The following MATN4 variants were observed in gnomAD, a reference collection of about 807,000 sequenced individuals.
MATN4 encodes matrilin-4.
In MATN4, 40 loss-of-function variants were observed where a neutral mutation model predicts 54.6. That is an observed-to-expected ratio of 0.73 (90% confidence interval 0.57 to 0.95). The LOEUF is 0.95. Among genes scored for constraint, MATN4 ranks in the 40% least tolerant of loss-of-function variants. MATN4 has a pLI of 0.00. For missense variants in MATN4, 810 were observed against 819.1 expected (o/e 0.99, Z 0.13); for synonymous variants, 351 against 345.3 (o/e 1.02, Z -0.18).
intron 8 of MATN4, among the ~76,000 whole-genome samples, chr20:45,295,030 G>A (rs1490389404): frequency 1.3e-5 from 2 of 152,174 alleles, no homozygotes; most frequent in Non-Finnish European, 2.9e-5. Context: ...CTAGCTGCAG[G>A]AAAACAAGCT....
intron 3 of MATN4, chr20:45,303,293 A>G: frequency 1.5e-6 from 1 of 649,876 alleles, no homozygotes; most frequent in Non-Finnish European, 2.9e-6. Context: ...TTTTACTGCC[A>G]AAGGCCCTTC....
In MATN4 at chr20:45,308,155, C is replaced by G. The variant is rs751195520; in HGVS notation, c.-35+20G>C. ...TACTCCCCTGCAGACCCCTCAGTGC[C>G]TCCCAATCCTTTGACTCACCTGAGC... On this transcript the variant is annotated intron_variant, in intron 1 of 9. Coordinates refer to ENST00000372756, the MANE Select transcript of MATN4 (RefSeq NM_001393530.1). 14 of 1,613,620 alleles carry G rather than the reference C, an allele frequency of 8.7e-6. No individual in the cohort carries two copies. The highest frequency in any genetic ancestry group is 1.2e-5 in the Non-Finnish European group (14 of 1,179,536).
chr20:45,304,513 C>T lies in MATN4; in HGVS notation c.358G>A (p.Ala120Thr), dbSNP rs767818333. The change falls in exon 3 of 10, where the codon GCC becomes ACC. Residue 120 changes from alanine (A) to threonine (T), a missense_variant. Physicochemically the swap from Ala to Thr is moderately conservative, Grantham distance 58 (BLOSUM62 0). Coordinates refer to ENST00000372756, the MANE Select transcript of MATN4 (RefSeq NM_001393530.1). ...GCCACACTGAAGGCCACGTTCATGG[C>T]GTACTGGATTGCCAGTCCCGTCATG... ...GTMTGLAIQY[A>T]MNVAFSVAEG... 8.2e-6 allele frequency: 13 copies of T among 1,589,048 alleles called. No individual in the cohort carries two copies. Among genetic ancestry groups the T allele is most frequent in the African/African-American group, 4.0e-5 (3 of 74,488 alleles).
In MATN4 at chr20:45,306,085, G is replaced by A. The variant is rs200407889; in HGVS notation, c.-34-469C>T. On this transcript the variant is annotated intron_variant, in intron 1 of 9. Coordinates refer to ENST00000372756, the MANE Select transcript of MATN4 (RefSeq NM_001393530.1). ...CTCCCAGAATGCTGGGATTACAGGC[G>A]TGAGCCACCGCGCTCGGCCCACAAG... Among the ~76,000 whole-genome samples the A allele has an allele frequency of 7.9e-5, 12 of 151,936 alleles. No individual in the cohort carries two copies. In the East Asian group the frequency reaches 1.7e-3, roughly 22 times the overall value.
At chr20:45,297,863 A>C (rs1985941929) in intron 8 of MATN4, 55 bp downstream of exon 8, 1 of 1,598,822 alleles carries the variant, frequency 6.3e-7, no homozygotes, top group Non-Finnish European at 8.6e-7. Flanking sequence ...GGAAGGGGAG[A>C]TATCAGAGGA....
upstream of MATN4, chr20:45,308,570 T>C: frequency 2.7e-6 from 1 of 366,530 alleles, no homozygotes; most frequent in Non-Finnish European, 5.2e-6. Context: ...GGCACTTCCC[T>C]GAGGAGAGCC....
chr20:45,305,744 GAAATGTTTCAGAATTAAAA>G, intron 1 of MATN4, 128 bp from the exon 2 acceptor site: 1 of 321,626 alleles, frequency 3.1e-6, no homozygotes, highest in East Asian at 6.1e-5. Flanking sequence ...GTGTATGTTT[GAAATGTTTCAGAATTAAAA>G]AATTCTCATC....
chr20:45,304,263 T>C lies in MATN4; in HGVS notation c.608A>G (p.Gln203Arg). The change falls in exon 3 of 10, where the codon CAG becomes CGG. Residue 203 changes from glutamine (Q) to arginine (R), a missense_variant. By Grantham distance (43) the Gln-to-Arg change is conservative. Coordinates refer to ENST00000372756, the MANE Select transcript of MATN4 (RefSeq NM_001393530.1). ...VFLVESFDLI[Q>R]EFGLQFQSRL... ...GCTCTGGAACTGCAGGCCGAACTCC[T>C]GGATGAGGTCGAAGGACTCTACGAG... 6.5e-7 allele frequency: 1 copy of C among 1,544,484 alleles called. No homozygotes were observed. Among genetic ancestry groups the C allele is most frequent in the East Asian group, 2.4e-5 (1 of 41,004 alleles).
rs1986043637 is a variant in MATN4, at chr20:45,298,860, G to A, written c.1013-277C>T. On this transcript the variant is annotated intron_variant, in intron 6 of 9. Transcript: ENST00000372756. This position sits in a 1 kb window ranked among gnomAD's most constrained non-coding sequence, Gnocchi z 4.6. ...TTTTTTTAACAACAATCATAGTAAT[G>A]ACCACAATAACTACCATTTATTGAT... 6.6e-6 allele frequency among the ~76,000 whole-genome samples: 1 copy of A among 151,968 alleles called. No homozygotes were observed. Among genetic ancestry groups the A allele is most frequent in the Non-Finnish European group, 1.5e-5 (1 of 67,996 alleles).
At chr20:45,297,685 T>A (rs1568871409) in intron 8 of MATN4, among the ~76,000 whole-genome samples, 1 of 152,166 alleles carries the variant, frequency 6.6e-6, no homozygotes, top group East Asian at 1.9e-4. Context: ...CTTGTCGAAG[T>A]GGAAATTCTG....
At chr20:45,299,958 TGTGTGGGTGTGTGTGTGTAGGG>T (rs1238852141) in intron 6 of MATN4, among the ~76,000 whole-genome samples, 47 of 104,006 alleles carry the variant, frequency 4.5e-4, no homozygotes, top group Middle Eastern at 4.6e-3. Flanking sequence ...AAAATTGGTG[TGTGTGGGTGTGTGTGTGTAGGG>T]GTGTGTGTGT....
At chr20:45,300,071 T>C (rs934027494) in intron 6 of MATN4, among the ~76,000 whole-genome samples, 2 of 152,002 alleles carry the variant, frequency 1.3e-5, no homozygotes, top group African/African-American at 4.8e-5. Flanking sequence ...AGACACCATA[T>C]CTGCTGGCAC....
rs749312961 is a variant in MATN4 at position 45,298,419 on chromosome 20, C to A, written c.1177G>T (p.Val393Leu). Residue 393 changes from valine (V) to leucine (L), a missense_variant, in exon 7 of 10, where the codon GTG (valine) becomes TTG (leucine). Coordinates refer to ENST00000372756, the MANE Select transcript of MATN4 (RefSeq NM_001393530.1). This position sits in a 1 kb window ranked among gnomAD's most constrained non-coding sequence, Gnocchi z 4.6. ...CGACCCAGAGGGAACTCGGTGCGCA[C>A]GCGGCTCGAGAACTGCACCAGCCCC... ...RVGLVQFSSR[V>L]RTEFPLGRYG... The A allele has an allele frequency of 5.6e-6, 9 of 1,613,072 alleles. No homozygotes were observed. The South Asian group carries it at 7.7e-5, about 14-fold the overall frequency.
At chr20:45,300,007 G>A (rs1293057594) in intron 6 of MATN4, among the ~76,000 whole-genome samples, 6 of 151,012 alleles carry the variant, frequency 4.0e-5, no homozygotes, top group Admixed American at 6.6e-5. Flanking sequence ...GTGTGTTGGC[G>A]TGGGGAGGCT....
At chr20:45,294,542 T>A (rs1051489764) in intron 8 of MATN4, among the ~76,000 whole-genome samples, 1 of 152,292 alleles carries the variant, frequency 6.6e-6, no homozygotes, top group African/African-American at 2.4e-5. Context: ...ACAAGCCACA[T>A]GTGGCTGTTT....
Position 45,301,363 on chromosome 20 carries a change from G to C in MATN4, c.724C>G (p.Gln242Glu). ...NSPGSYFCHC[Q>E]VGFVLQQDQR... is the part of the protein sequence containing the mutation. The stretch of plus-strand genomic sequence containing the variant: ...TCCTGCTGGAGTACAAAGCCAACTT[G>C]GCAGTGACAGAAATAGGAGCCTGGG... Residue 242 changes from glutamine to glutamate, a missense_variant, in exon 4 of 10, where the codon CAA becomes GAA. Gln to Glu is a conservative substitution (Grantham distance 29). Coordinates refer to ENST00000372756, the MANE Select transcript of MATN4 (RefSeq NM_001393530.1). The C allele has an allele frequency of 6.2e-7, 1 of 1,614,192 alleles. No individual in the cohort carries two copies. The highest frequency in any genetic ancestry group is 8.5e-7 in the Non-Finnish European group (1 of 1,180,030).
chr20:45,298,284 C>T lies in MATN4; in HGVS notation c.1312G>A (p.Glu438Lys), dbSNP rs762769180. ...LRHMVEHSFS[E>K]AQGARPRALN... Reference sequence around the variant, plus strand: ...GCACGGGGCCGTGCACCCTGCGCCTCGGAGAAGCTGTGCTCCACCATGTGC... The same window carrying T: ...GCACGGGGCCGTGCACCCTGCGCCTTGGAGAAGCTGTGCTCCACCATGTGC... The change falls in exon 7 of 10, where the codon GAG becomes AAG. Residue 438 changes from glutamate (E) to lysine (K), a missense_variant. Physicochemically the swap from Glu to Lys is moderately conservative, Grantham distance 56. Transcript: ENST00000372756. This position sits in a 1 kb window ranked among gnomAD's most constrained non-coding sequence, Gnocchi z 4.6. 1.4e-5 allele frequency: 23 copies of T among 1,613,392 alleles called. No individual in the cohort carries two copies. The highest frequency in any genetic ancestry group is 6.7e-5 in the East Asian group (3 of 44,888).
At chr20:45,301,716 G>C (rs1375080004) in intron 3 of MATN4, among the ~76,000 whole-genome samples, 2 of 152,166 alleles carry the variant, frequency 1.3e-5, no homozygotes, top group Non-Finnish European at 2.9e-5. Context: ...TTCCATGGAA[G>C]ATGGGGAACT....
chr20:45,308,610 T>A (rs1478887288), upstream of MATN4: 2 of 265,004 alleles, frequency 7.5e-6, no homozygotes, highest in Admixed American at 9.3e-5. Context: ...TGGCTGTGGC[T>A]GCTGCCTGTC....
Sources: gnomAD v4.1 joint callset for allele counts (sites outside exome capture counted in the v4.1 genomes callset) on GRCh38, gnomAD v4.1.1 for gene constraint, Gnocchi (gnomAD v3.1) non-coding constraint, MANE v1.5 for transcripts, NCBI Gene and HGNC (gene_info 2026-07-23, HGNC 2026-07-21) for gene names.